TTL: variants seen among roughly 807,000 people sequenced by gnomAD.
TTL encodes tubulin--tyrosine ligase.
A neutral mutation model predicts 41.1 loss-of-function variants in TTL; 10 were observed. The ratio of observed to expected loss-of-function variants is 0.24; its 90% confidence interval spans 0.15 to 0.41. The LOEUF (loss-of-function observed/expected upper bound fraction) is 0.41. Among genes scored for constraint, TTL ranks in the 10% least tolerant of loss-of-function variants. The pLI, the probability that TTL is intolerant of heterozygous loss-of-function variation, is 1.00. For missense variants in TTL, 367 were observed against 460.4 expected, an observed-to-expected ratio of 0.80 and a Z score of 1.86; for synonymous variants, 175 against 175.5, an observed-to-expected ratio of 1.00 and a Z score of 0.02.
In TTL at chr2:112,530,434, C is replaced by T. The variant is rs1398788779; in HGVS notation, c.*1639C>T. 5 of 229,080 alleles carry T rather than the reference C, an allele frequency of 2.2e-5. No homozygotes were observed. The highest frequency in any genetic ancestry group is 2.6e-5 in the Non-Finnish European group (3 of 115,576). 14.2% of individuals were successfully genotyped at this position (229,080 alleles called of 1,614,324 possible). ...CCCAGAATACAGATTTAAAAGTTTGCCTGTAGAGCAAAATAAAACAGTCAG... is the reference window on the plus strand; with the variant it reads ...CCCAGAATACAGATTTAAAAGTTTGTCTGTAGAGCAAAATAAAACAGTCAG... On this transcript the variant is annotated 3_prime_UTR_variant, in exon 7 of 7. Coordinates refer to ENST00000233336, the MANE Select transcript of TTL (RefSeq NM_153712.5).
intron 2 of TTL, among the ~76,000 whole-genome samples, chr2:112,492,687 G>A (rs1013960008): frequency 6.0e-5 from 9 of 151,186 alleles, no homozygotes; most frequent in Non-Finnish European, 1.2e-4. Flanking sequence ...CCGAGGTCGC[G>A]CTACTGCACT....
At chr2:112,486,152 A>C (rs1681233433) in intron 2 of TTL, among the ~76,000 whole-genome samples, 157 bp downstream of exon 2, 1 of 152,208 alleles carries the variant, frequency 6.6e-6, no homozygotes, top group Non-Finnish European at 1.5e-5. Context: ...GGTCCAAAAC[A>C]TGGTGCTTGA....
intron 5 of TTL, among the ~76,000 whole-genome samples, chr2:112,507,747 T>C (rs1165815731): frequency 1.3e-5 from 2 of 150,902 alleles, no homozygotes; most frequent in East Asian, 2.0e-4. Context: ...TACAGCACAC[T>C]GATGGGTCTT....
At chr2:112,526,687 T>C (rs1227878260) in intron 6 of TTL, among the ~76,000 whole-genome samples, 1 of 152,222 alleles carries the variant, frequency 6.6e-6, no homozygotes, top group East Asian at 1.9e-4. Flanking sequence ...TTTTCTTCTT[T>C]ATTAGTCTTG....
chr2:112,531,500 A>G lies in TTL; in HGVS notation c.*2705A>G. Reference sequence around the variant, plus strand: ...AGAGCCTTTAGTACCAAGGTTCTCAACACTGACTACATGCTGGAATGACTG... The same window carrying G: ...AGAGCCTTTAGTACCAAGGTTCTCAGCACTGACTACATGCTGGAATGACTG... On this transcript the variant is annotated 3_prime_UTR_variant, in exon 7 of 7. Coordinates refer to ENST00000233336, the MANE Select transcript of TTL (RefSeq NM_153712.5). The G allele has an allele frequency of 4.3e-6, 1 of 230,244 alleles. No homozygotes were observed. 14.3% of individuals were successfully genotyped at this position (230,244 alleles called of 1,614,324 possible). A position where few individuals can be genotyped will look rare whatever the true frequency, so the allele number is the denominator to read the frequency against.
chr2:112,511,812 C>T (rs915370663), intron 5 of TTL, among the ~76,000 whole-genome samples: 1 of 151,926 alleles, frequency 6.6e-6, no homozygotes, highest in African/African-American at 2.4e-5. Context: ...CTCAAGCAAT[C>T]TACACACTTC....
chr2:112,525,401 C>T (rs1029709336), intron 6 of TTL, among the ~76,000 whole-genome samples: 9 of 152,216 alleles, frequency 5.9e-5, no homozygotes, highest in African/African-American at 1.7e-4. Flanking sequence ...ATTTTCACAA[C>T]ATTGATTCTT....
intron 5 of TTL, among the ~76,000 whole-genome samples, chr2:112,503,385 G>A (rs1267440844): frequency 7.2e-6 from 1 of 138,138 alleles, no homozygotes; most frequent in African/African-American, 2.8e-5. Flanking sequence ...ATGTGTGTGT[G>A]TATGTGTGTG....
At chr2:112,502,306 A>G (rs1044115967) in intron 4 of TTL, among the ~76,000 whole-genome samples, 1 of 152,202 alleles carries the variant, frequency 6.6e-6, no homozygotes, top group African/African-American at 2.4e-5. Flanking sequence ...AAGAGGAGAC[A>G]TAACAAATGG....
intron 6 of TTL, among the ~76,000 whole-genome samples, chr2:112,525,618 A>T (rs1250136886): frequency 1.3e-5 from 2 of 152,054 alleles, no homozygotes; most frequent in East Asian, 3.8e-4. Context: ...AATGCTTGTG[A>T]TTTTTGCACA....
intron 5 of TTL, among the ~76,000 whole-genome samples, chr2:112,514,111 C>T (rs1313452867): frequency 5.3e-5 from 8 of 151,984 alleles, no homozygotes; most frequent in Non-Finnish European, 8.8e-5. Flanking sequence ...AGGCCAGGCG[C>T]GGCACCTCAC....
chr2:112,529,170 G>T lies in TTL; in HGVS notation c.*375G>T. On this transcript the variant is annotated 3_prime_UTR_variant, in exon 7 of 7. Coordinates refer to ENST00000233336, the MANE Select transcript of TTL (RefSeq NM_153712.5). ...TGCCCGGCTGCAGCCCCACTGCTCTGGACTATGGATTGGACGTCAGAGCAT... is the reference window on the plus strand; with the variant it reads ...TGCCCGGCTGCAGCCCCACTGCTCTTGACTATGGATTGGACGTCAGAGCAT... 2.8e-6 allele frequency: 1 copy of T among 354,452 alleles called. No individual in the cohort carries two copies. Among genetic ancestry groups the T allele is most frequent in the Non-Finnish European group, 5.3e-6 (1 of 189,010 alleles). 22.0% of individuals were successfully genotyped at this position (354,452 alleles called of 1,614,324 possible). A position where few individuals can be genotyped will look rare whatever the true frequency, so the allele number is the denominator to read the frequency against.
chr2:112,494,261 C>A lies in TTL; in HGVS notation c.355C>A (p.Pro119Thr), dbSNP rs1400100588. The A allele has an allele frequency of 1.2e-6, 2 of 1,614,110 alleles. No individual in the cohort carries two copies. The highest frequency in any genetic ancestry group is 2.2e-5 in the South Asian group (2 of 91,082). Residue 119 changes from proline (P) to threonine (T), a missense_variant, in exon 3 of 7, where the codon CCA becomes ACA. Coordinates refer to ENST00000233336, the MANE Select transcript of TTL (RefSeq NM_153712.5). ...VAPAQNGIQPPISNSRTDERE... is the reference protein window; with the variant it reads ...VAPAQNGIQPTISNSRTDERE... Reference sequence around the variant, plus strand: ...TCCAGCACAGAATGGAATTCAGCCACCAATCAGTAACTCAAGGACAGATGA... The same window carrying A: ...TCCAGCACAGAATGGAATTCAGCCAACAATCAGTAACTCAAGGACAGATGA...
rs558508350 is a variant in TTL at position 112,539,425 on chromosome 2, T to C, written c.*10630T>C. ...TAGAAAAAAGAGGACAAAAAGCACATGATCATTTCAATATACACTGAAAAA... is the reference window on the plus strand; with the variant it reads ...TAGAAAAAAGAGGACAAAAAGCACACGATCATTTCAATATACACTGAAAAA... On this transcript the variant is annotated 3_prime_UTR_variant, in exon 7 of 7. Transcript: ENST00000233336. 1.3e-5 allele frequency: 2 copies of C among 152,272 alleles called. No homozygotes were observed. The highest frequency in any genetic ancestry group is 3.9e-4 in the East Asian group (2 of 5,190). The allele number at this position is 152,272 out of a possible 1,614,324, so 9.4% of individuals were successfully genotyped here. A position where few individuals can be genotyped will look rare whatever the true frequency, so the allele number is the denominator to read the frequency against.
At chr2:112,525,726 C>T (rs569323882) in intron 6 of TTL, among the ~76,000 whole-genome samples, 7 of 152,270 alleles carry the variant, frequency 4.6e-5, no homozygotes, top group African/African-American at 1.2e-4. Context: ...ATCATGTCAT[C>T]GGCAAACAGG....
rs1269510206 is a variant in TTL, at chr2:112,482,355, T to C, written c.11T>C (p.Phe4Ser). MYT[F>S]VVRDENSSVY... ...GCGCGGCGCTTCGCCATGTACACCTTCGTGGTACGCGATGAGAACAGCAGC... is the reference window on the plus strand; with the variant it reads ...GCGCGGCGCTTCGCCATGTACACCTCCGTGGTACGCGATGAGAACAGCAGC... The change falls in exon 1 of 7, where the codon TTC (phenylalanine) becomes TCC (serine). Residue 4 changes from phenylalanine (F) to serine (S), a missense_variant. Transcript: ENST00000233336. The surrounding 1 kb of genome is among the most constrained non-coding windows in gnomAD (Gnocchi z 5.3). 2 of 1,558,066 alleles carry C rather than the reference T, an allele frequency of 1.3e-6. No homozygotes were observed. Among genetic ancestry groups the C allele is most frequent in the Non-Finnish European group, 1.7e-6 (2 of 1,152,046 alleles).
rs1038455524 is a variant in TTL, at chr2:112,533,230, C to T, written c.*4435C>T. On this transcript the variant is annotated 3_prime_UTR_variant, in exon 7 of 7. Transcript: ENST00000233336. Reference sequence around the variant, plus strand: ...CTCCACTCCAAACAGGTTTCACATACACTATGACACATTCCCAGTGGACTC... The same window carrying T: ...CTCCACTCCAAACAGGTTTCACATATACTATGACACATTCCCAGTGGACTC... 1 of 152,336 alleles carries T rather than the reference C, an allele frequency of 6.6e-6. No individual in the cohort carries two copies. Among genetic ancestry groups the T allele is most frequent in the African/African-American group, 2.4e-5 (1 of 41,442 alleles). The allele number at this position is 152,336 out of a possible 1,614,324, so 9.4% of individuals were successfully genotyped here.
Position 112,535,098 on chromosome 2 carries a change from G to A in TTL, c.*6303G>A, listed in dbSNP as rs1365693293. 1.3e-5 allele frequency: 2 copies of A among 151,938 alleles called. No homozygotes were observed. The highest frequency in any genetic ancestry group is 4.8e-5 in the African/African-American group (2 of 41,310). The allele number at this position is 151,938 out of a possible 1,614,324, so 9.4% of individuals were successfully genotyped here. ...AGAAGAAAGAAAAGAAAAAAGGAAAGAAAGTTAGTTTATAAAATAGAACCA... is the reference window on the plus strand; with the variant it reads ...AGAAGAAAGAAAAGAAAAAAGGAAAAAAAGTTAGTTTATAAAATAGAACCA... On this transcript the variant is annotated 3_prime_UTR_variant, in exon 7 of 7. Transcript: ENST00000233336.
chr2:112,503,469 T>C (rs1199914364), intron 5 of TTL, among the ~76,000 whole-genome samples: 1 of 149,072 alleles, frequency 6.7e-6, no homozygotes, highest in African/African-American at 2.4e-5. Flanking sequence ...GTTTTGCTCT[T>C]GTTGCCCAGG....
Sources: gnomAD v4.1 joint callset for allele counts (sites outside exome capture counted in the v4.1 genomes callset) on GRCh38, gnomAD v4.1.1 for gene constraint, Gnocchi (gnomAD v3.1) non-coding constraint, MANE v1.5 for transcripts, NCBI Gene and HGNC (gene_info 2026-07-23, HGNC 2026-07-21) for gene names.